Variants in TBC1D5 observed in about 807,000 individuals in gnomAD.
The protein encoded by TBC1D5 is TBC1 domain family, member 5.
A neutral mutation model predicts 100.3 loss-of-function variants in TBC1D5; 75 were observed. The ratio of observed to expected loss-of-function variants is 0.75; its 90% confidence interval spans 0.62 to 0.91. The LOEUF is 0.91. Among genes scored for constraint, TBC1D5 ranks in the 40% least tolerant of loss-of-function variants. The probability of loss-of-function intolerance (pLI) is 0.00; values close to 1 mark genes in which losing one functional copy is unlikely to be tolerated. For missense variants in TBC1D5, 910 were observed against 942.4 expected, an observed-to-expected ratio of 0.97 and a Z score of 0.45; for synonymous variants, 323 against 325.6, an observed-to-expected ratio of 0.99 and a Z score of 0.09.
chr3:17,629,009 A>G (rs1451972280), intron 1 of TBC1D5, among the ~76,000 whole-genome samples: 1 of 152,252 alleles, frequency 6.6e-6, no homozygotes, highest in Non-Finnish European at 1.5e-5. Context: ...AGAGGTATGT[A>G]GCATTAGTTT....
intron 1 of TBC1D5, among the ~76,000 whole-genome samples, chr3:17,706,845 A>G (rs976855542): frequency 5.3e-5 from 8 of 151,614 alleles, no homozygotes; most frequent in African/African-American, 9.7e-5. Flanking sequence ...CTAATCTAAA[A>G]TTTTAAGAAA....
chr3:17,290,681 G>C (rs973778946), intron 15 of TBC1D5, among the ~76,000 whole-genome samples: 1 of 152,040 alleles, frequency 6.6e-6, no homozygotes, highest in African/African-American at 2.4e-5. Context: ...GGGGTGTAGG[G>C]AGTATATAGT....
At chr3:17,163,610 G>C (rs2066304247) in intron 21 of TBC1D5, among the ~76,000 whole-genome samples, 1 of 152,086 alleles carries the variant, frequency 6.6e-6, no homozygotes, top group Non-Finnish European at 1.5e-5. Flanking sequence ...CCCGCTTCCT[G>C]CCACCTTCCC....
At chr3:17,429,265 G>A (rs1314190643) in intron 3 of TBC1D5, among the ~76,000 whole-genome samples, 1 of 151,652 alleles carries the variant, frequency 6.6e-6, no homozygotes, top group Non-Finnish European at 1.5e-5. Context: ...TACTAAAGTT[G>A]GAAAAAATGC....
intron 3 of TBC1D5, among the ~76,000 whole-genome samples, chr3:17,467,969 G>C (rs2095328261): frequency 6.6e-6 from 1 of 152,060 alleles, no homozygotes; most frequent in Non-Finnish European, 1.5e-5. Flanking sequence ...GATTCTAGTA[G>C]AATCTGACTC....
intron 3 of TBC1D5, among the ~76,000 whole-genome samples, chr3:17,473,982 G>T (rs1386267209): frequency 3.3e-5 from 5 of 151,862 alleles, no homozygotes; most frequent in Non-Finnish European, 7.4e-5. Context: ...CCCACAAGGG[G>T]GAGGATGAGG....
intron 15 of TBC1D5, among the ~76,000 whole-genome samples, chr3:17,259,014 T>G (rs1276515117): frequency 6.6e-6 from 1 of 152,196 alleles, no homozygotes; most frequent in African/African-American, 2.4e-5. Flanking sequence ...ATGACCAGAA[T>G]GCTAAATGTG....
At chr3:17,543,877 C>CTT (rs990614855) in intron 2 of TBC1D5, among the ~76,000 whole-genome samples, 1 of 144,568 alleles carries the variant, frequency 6.9e-6, no homozygotes, top group African/African-American at 2.5e-5. Context: ...TTTTTTTTTT[C>CTT]TTTTTTTTTG....
intron 13 of TBC1D5, among the ~76,000 whole-genome samples, chr3:17,350,444 A>C (rs2090425892): frequency 6.6e-6 from 1 of 152,178 alleles, no homozygotes; most frequent in African/African-American, 2.4e-5. Flanking sequence ...TGTTATTCAG[A>C]TTAAATATCA....
chr3:17,729,523 C>T (rs543754289), intron 1 of TBC1D5, among the ~76,000 whole-genome samples: 80 of 151,954 alleles, frequency 5.3e-4, no homozygotes, highest in African/African-American at 1.7e-3. Flanking sequence ...TTGGCTAACA[C>T]GGTGAAACCC....
rs192151038 is a variant in TBC1D5 at position 17,627,747 on chromosome 3, C to T, written c.-100-3834G>A. ...AACTAAATATCTGAGGAAACAAAAA[C>T]TTTTAAACATATAATTTCTTACTGT... is the stretch of plus-strand genomic sequence containing the variant. On this transcript the variant is annotated intron_variant, in intron 1 of 21. Coordinates refer to ENST00000253692, the Ensembl canonical transcript of TBC1D5. Among the ~76,000 whole-genome samples, 6 of 151,022 alleles carry T rather than the reference C, an allele frequency of 4.0e-5. No individual in the cohort carries two copies. The East Asian group carries it at 9.7e-4, about 24-fold the overall frequency.
At chr3:17,411,059 C>T (rs928776348) in intron 4 of TBC1D5, among the ~76,000 whole-genome samples, 2 of 152,054 alleles carry the variant, frequency 1.3e-5, no homozygotes, top group Non-Finnish European at 2.9e-5. Flanking sequence ...GCATACTTCA[C>T]TGTTGTGTTT....
At chr3:17,242,359 G>A (rs1166242100) in intron 16 of TBC1D5, among the ~76,000 whole-genome samples, 1 of 151,898 alleles carries the variant, frequency 6.6e-6, no homozygotes, top group African/African-American at 2.4e-5. Flanking sequence ...TATTAAATAT[G>A]TAATATTTAT....
At chr3:17,336,458 G>C (rs1218010672) in intron 13 of TBC1D5, among the ~76,000 whole-genome samples, 2 of 152,014 alleles carry the variant, frequency 1.3e-5, no homozygotes, top group Admixed American at 6.6e-5. Context: ...GTGACTGCTG[G>C]CTTTTGGTTC....
chr3:17,563,844 T>A (rs548163126), intron 2 of TBC1D5, among the ~76,000 whole-genome samples: 3 of 152,156 alleles, frequency 2.0e-5, no homozygotes, highest in African/African-American at 7.2e-5. Context: ...GTGCAGTGGC[T>A]TGATCTCAGC....
Position 17,498,642 on chromosome 3 carries a change from C to T in TBC1D5, c.97+9832G>A, listed in dbSNP as rs114058542. ...TACAATGCACTAAAGTAGATGTGAA[C>T]ATCTACAAATGTAATGTAGACTCGG... is the stretch of plus-strand genomic sequence containing the variant. On this transcript the variant is annotated intron_variant, in intron 3 of 21. Transcript: ENST00000253692. 5.8e-3 allele frequency among the ~76,000 whole-genome samples: 884 copies of T among 152,202 alleles called. 5 individuals are homozygous for T. The highest frequency in any genetic ancestry group is 0.031 in the Middle Eastern group (9 of 294).
At chr3:17,345,976 G>A (rs893208562) in intron 13 of TBC1D5, among the ~76,000 whole-genome samples, 6 of 151,868 alleles carry the variant, frequency 4.0e-5, no homozygotes, top group Non-Finnish European at 7.4e-5. Flanking sequence ...GCTAAATGAC[G>A]AGTTAATGGG....
chr3:17,462,033 CA>C (rs900783913), intron 3 of TBC1D5, among the ~76,000 whole-genome samples: 9 of 151,028 alleles, frequency 6.0e-5, no homozygotes, highest in East Asian at 1.9e-4. Context: ...TACTTTGTTT[CA>C]AAAAAAATAT....
At chr3:17,420,006 TA>T (rs2094170548) in intron 4 of TBC1D5, among the ~76,000 whole-genome samples, 2 of 152,096 alleles carry the variant, frequency 1.3e-5, no homozygotes, top group African/African-American at 4.8e-5. Flanking sequence ...TAGTTCTTGA[TA>T]AATGCCTCCA....
Sources: allele counts gnomAD v4.1 joint callset (sites outside exome capture counted in the v4.1 genomes callset), GRCh38; gene constraint gnomAD v4.1.1; transcripts MANE v1.5; gene names NCBI Gene and HGNC (gene_info 2026-07-23, HGNC 2026-07-21).